PALM2AKAP2: variants seen among roughly 807,000 people sequenced by gnomAD.
PALM2AKAP2 encodes the protein PALM2 and AKAP2 fusion, also known as PALM2-AKAP2 fusion protein.
A neutral mutation model predicts 71.5 loss-of-function variants in PALM2AKAP2; 37 were observed. That is an observed-to-expected ratio of 0.52 (90% CI 0.40 to 0.68). PALM2AKAP2 has a LOEUF of 0.68. Ranked by LOEUF, PALM2AKAP2 falls within the 30% of genes least tolerant of loss-of-function variation. The pLI is 0.00. For synonymous variants in PALM2AKAP2, 468 were observed against 478.8 expected (o/e 0.98, Z 0.29); for missense variants, 1,224 against 1,191.8 (o/e 1.03, Z -0.40).
chr9:109,823,709 A>G (rs764494194), intron 1 of PALM2AKAP2, among the ~76,000 whole-genome samples: 9 of 152,194 alleles, frequency 5.9e-5, no homozygotes, highest in African/African-American at 7.2e-5. Context: ...GGTCTCAGAA[A>G]ACATCTACAG....
At chr9:110,153,188 A>G (rs113647875) in intron 2 of PALM2AKAP2, among the ~76,000 whole-genome samples, 227 of 152,328 alleles carry the variant, frequency 1.5e-3, no homozygotes, top group Admixed American at 3.5e-3. Flanking sequence ...ATGGCTGTCC[A>G]CTTCTCTATA....
At chr9:109,810,528 G>A (rs1827702245) in intron 1 of PALM2AKAP2, among the ~76,000 whole-genome samples, 1 of 152,188 alleles carries the variant, frequency 6.6e-6, no homozygotes, top group South Asian at 2.1e-4. Context: ...CTGGTGCCCT[G>A]AACTGGAGCT....
At chr9:109,911,332 C>G (rs984717818) in intron 3 of PALM2AKAP2, among the ~76,000 whole-genome samples, 8 of 152,140 alleles carry the variant, frequency 5.3e-5, no homozygotes, top group African/African-American at 1.9e-4. Flanking sequence ...CAGCTCAAGC[C>G]TGGAAATGAT....
At chr9:109,760,043 T>C (rs1447468552) in intron 1 of PALM2AKAP2, among the ~76,000 whole-genome samples, 2 of 152,184 alleles carry the variant, frequency 1.3e-5, no homozygotes, top group Middle Eastern at 3.2e-3. Flanking sequence ...TTGGTACTTC[T>C]GTTGTCAAGC....
chr9:109,972,888 A>G (rs1832097394), intron 6 of PALM2AKAP2, among the ~76,000 whole-genome samples: 1 of 152,234 alleles, frequency 6.6e-6, no homozygotes, highest in Non-Finnish European at 1.5e-5. Context: ...TAATGGCTTA[A>G]TAATGCTCTG....
intron 3 of PALM2AKAP2, among the ~76,000 whole-genome samples, chr9:110,167,488 A>G (rs1310440314): frequency 2.0e-5 from 2 of 97,584 alleles, no homozygotes; most frequent in African/African-American, 4.1e-5. Context: ...TCTTGATCAA[A>G]CTGAAACTGG....
At chr9:109,724,812 A>G (rs1828453278) in intron 1 of PALM2AKAP2, among the ~76,000 whole-genome samples, 1 of 152,214 alleles carries the variant, frequency 6.6e-6, no homozygotes, top group South Asian at 2.1e-4. Context: ...ATTTTCAATC[A>G]CAATAAAATG....
chr9:109,793,780 A>C (rs1470695566), intron 1 of PALM2AKAP2, among the ~76,000 whole-genome samples: 1 of 152,218 alleles, frequency 6.6e-6, no homozygotes. Context: ...AAAAAATTCA[A>C]AAAAGGATCT....
At chr9:109,965,492 C>G (rs1246512689) in intron 6 of PALM2AKAP2, among the ~76,000 whole-genome samples, 1 of 152,130 alleles carries the variant, frequency 6.6e-6, no homozygotes, top group Non-Finnish European at 1.5e-5. Flanking sequence ...GAGAAAAGGA[C>G]AAATATTGTA....
At chr9:110,120,801 G>A (rs1297619805) in intron 1 of PALM2AKAP2, among the ~76,000 whole-genome samples, 3 of 152,350 alleles carry the variant, frequency 2.0e-5, no homozygotes, top group East Asian at 3.9e-4. Context: ...CACTGCGCCC[G>A]GGCCAAAAGC....
intron 1 of PALM2AKAP2, among the ~76,000 whole-genome samples, chr9:109,855,067 GC>G (rs531960730): frequency 7.0e-5 from 10 of 142,196 alleles, no homozygotes; most frequent in South Asian, 2.2e-4. Context: ...CATGCCTGGT[GC>G]CCCCCCCTTT....
chr9:109,681,191 C>T (rs1441075834), intron 1 of PALM2AKAP2, among the ~76,000 whole-genome samples: 1 of 152,164 alleles, frequency 6.6e-6, no homozygotes, highest in African/African-American at 2.4e-5. Context: ...TTGTCTTTTT[C>T]TTCCACTGGT....
At chr9:109,683,600 G>C (rs1420896779) in intron 1 of PALM2AKAP2, among the ~76,000 whole-genome samples, 1 of 152,182 alleles carries the variant, frequency 6.6e-6, no homozygotes, top group African/African-American at 2.4e-5. Context: ...AAGTCATCCA[G>C]TGTGTGGTGA....
chr9:109,662,361 G>A (rs1827412207), intron 1 of PALM2AKAP2, among the ~76,000 whole-genome samples: 1 of 152,186 alleles, frequency 6.6e-6, no homozygotes, highest in East Asian at 1.9e-4. Flanking sequence ...TGTTTTTTGA[G>A]AGTTTTTAGC....
chr9:109,941,145 CT>C (rs34635858), intron 6 of PALM2AKAP2, among the ~76,000 whole-genome samples: 5,633 of 106,274 alleles, frequency 0.053, 179 homozygotes, highest in East Asian at 0.16. Context: ...TCTTCCTCTT[CT>C]TTTTTTTTTT....
At chr9:109,843,026 G>A (rs910433650) in intron 1 of PALM2AKAP2, among the ~76,000 whole-genome samples, 1 of 151,130 alleles carries the variant, frequency 6.6e-6, no homozygotes. Context: ...TGTAATCCCA[G>A]CTACTCAGGA....
At chr9:110,099,235 T>C (rs1349524488) in intron 1 of PALM2AKAP2, among the ~76,000 whole-genome samples, 1 of 152,238 alleles carries the variant, frequency 6.6e-6, no homozygotes, top group Non-Finnish European at 1.5e-5. Flanking sequence ...AATCAATTTC[T>C]GTAGAAATAG....
At position 109,882,465 on chromosome 9, in the gene PALM2AKAP2, C is replaced by T. The variant is rs558319415; in HGVS notation, c.257+1784C>T. ...ATACATATGTATACTCACACACACC[C>T]GTGTACATGCACATGCTTTTTCTTA... On this transcript the variant is annotated intron_variant, in intron 3 of 9. Transcript: ENST00000302798. Among the ~76,000 whole-genome samples, 7 of 152,204 alleles carry T rather than the reference C, an allele frequency of 4.6e-5. No homozygotes were observed. In the South Asian group the frequency reaches 1.0e-3, roughly 23 times the overall value.
intron 2 of PALM2AKAP2, among the ~76,000 whole-genome samples, chr9:110,150,611 T>A (rs1183070095): frequency 1.3e-5 from 2 of 152,206 alleles, no homozygotes; most frequent in African/African-American, 4.8e-5. Context: ...TTTTTACCTC[T>A]AAAGCAACGT....
Sources: gnomAD v4.1 joint callset for allele counts (sites outside exome capture counted in the v4.1 genomes callset) on GRCh38, gnomAD v4.1.1 for gene constraint, MANE v1.5 for transcripts, NCBI Gene and HGNC (gene_info 2026-07-23, HGNC 2026-07-21) for gene names.